The following FAM186B variants were observed in gnomAD, a reference collection of about 807,000 sequenced individuals.
FAM186B encodes family with sequence similarity 186 member B.
Under a neutral mutation model 83.4 loss-of-function variants are expected in FAM186B, and 68 were observed. The observed-to-expected ratio is 0.81, with a 90% CI of 0.67 to 1.00. The LOEUF (loss-of-function observed/expected upper bound fraction) is 1.00, where lower values mean the gene tolerates loss of function less well. FAM186B is among the 50% of genes least tolerant of loss of function. The probability of loss-of-function intolerance (pLI) is 0.00; values close to 1 mark genes in which losing one functional copy is unlikely to be tolerated. For synonymous variants in FAM186B, 389 were observed against 422.0 expected (o/e 0.92, Z 0.96); for missense variants, 983 against 1,099.2 (o/e 0.89, Z 1.49).
upstream of FAM186B, among the ~76,000 whole-genome samples, chr12:49,609,811 G>A (rs777933951): frequency 3.3e-4 from 51 of 152,332 alleles, no homozygotes; most frequent in Admixed American, 1.5e-3. Flanking sequence ...TGAGGGACCT[G>A]TAGACAGGCC....
rs769138157 is a variant in FAM186B, at chr12:49,598,992, C to G, written c.2172-45G>C. 11 of 1,580,430 alleles carry G rather than the reference C, an allele frequency of 7.0e-6. No individual in the cohort carries two copies. The South Asian group carries it at 1.0e-4, about 14-fold the overall frequency. ...AATTTAGGGGGTGGAGAGGCCTCCT[C>G]TATCCCCCAAGTCTGTTAACCAGAG... On this transcript the variant is annotated intron_variant, in intron 4 of 6. Coordinates refer to ENST00000257894, the MANE Select transcript of FAM186B (RefSeq NM_032130.3).
chr12:49,587,424 G>C (rs1432983450), downstream of FAM186B: 1 of 767,824 alleles, frequency 1.3e-6, no homozygotes, highest in Non-Finnish European at 2.1e-6. Context: ...TGTTGGCATG[G>C]GGACCCCGCT....
At chr12:49,587,068 C>T (rs890744261), downstream of FAM186B, among the ~76,000 whole-genome samples, 1 of 152,188 alleles carries the variant, frequency 6.6e-6, no homozygotes, top group East Asian at 1.9e-4. Flanking sequence ...GTGACATCTA[C>T]AAGCCCAGAG....
intron 2 of FAM186B, 88 bp downstream of exon 2, chr12:49,604,225 G>C: frequency 9.9e-7 from 1 of 1,010,566 alleles, no homozygotes; most frequent in Non-Finnish European, 1.5e-6. Flanking sequence ...TGCTTCACTG[G>C]AGAAGGGGAT....
At position 49,588,557 on chromosome 12, in the gene FAM186B, T is replaced by TG; in HGVS notation, c.2430dup (p.Lys811GlnfsTer24). The stretch of plus-strand genomic sequence containing the variant: ...TGCCGGGGTGAGGCTGCAGGCAACT[T>TG]GCATTTCTTTGGCTTTGGCGAGGTG... On this transcript the variant is annotated frameshift_variant, in exon 6 of 7. Coordinates refer to ENST00000257894, the MANE Select transcript of FAM186B (RefSeq NM_032130.3). LOFTEE classifies it high-confidence loss of function. 6.2e-7 allele frequency: 1 copy of TG among 1,612,316 alleles called. No individual in the cohort carries two copies. Among genetic ancestry groups the TG allele is most frequent in the African/African-American group, 1.3e-5 (1 of 75,002 alleles).
At position 49,599,700 on chromosome 12, in the gene FAM186B, C is replaced by T; in HGVS notation, c.1940G>A (p.Trp647Ter). Reference protein sequence around the residue: ...VTGTSIRRLTWPSLQISPANI... With the variant: ...VTGTSIRRLT ...TGCAGGGGATATCTGCAAAGAGGGC[C>T]AGGTCAGCCTTCGGATGGATGTCCC... Residue 647 changes from tryptophan to a stop codon, truncating the protein, a stop_gained, in exon 4 of 7, where the codon TGG (tryptophan) becomes TAG (stop). Coordinates refer to ENST00000257894, the MANE Select transcript of FAM186B (RefSeq NM_032130.3). LOFTEE classifies it high-confidence loss of function. 3 of 1,611,568 alleles carry T rather than the reference C, an allele frequency of 1.9e-6. No homozygotes were observed. The highest frequency in any genetic ancestry group is 1.1e-5 in the South Asian group (1 of 90,626).
chr12:49,600,368 C>T lies in FAM186B; in HGVS notation c.1272G>A (p.Arg424=). 1.2e-6 allele frequency: 2 copies of T among 1,614,194 alleles called. No individual in the cohort carries two copies. Among genetic ancestry groups the T allele is most frequent in the Non-Finnish European group, 1.7e-6 (2 of 1,180,042 alleles). ...CCGGTCTTTCCCATTTCTTAGGAAA[C>T]CTGCGATCTACTAAGGGTAAAAGCA... ...EPVLLPLVDR[R]FPKKWERPVA... Residue 424 remains arginine, a synonymous_variant, in exon 4 of 7, where the codon AGG becomes AGA. Transcript: ENST00000257894. This position sits in a 1 kb window ranked among gnomAD's most constrained non-coding sequence, Gnocchi z 4.3.
chr12:49,595,285 G>T (rs1939688248), intron 5 of FAM186B: 1 of 679,970 alleles, frequency 1.5e-6, no homozygotes, highest in South Asian at 1.4e-5. Flanking sequence ...TTGTCCTGAT[G>T]CCAGTCTTGA....
chr12:49,584,136 G>A (rs1939390955), downstream of FAM186B: 1 of 224,592 alleles, frequency 4.5e-6, no homozygotes, highest in Non-Finnish European at 9.0e-6. Flanking sequence ...TCCATATTTT[G>A]ATTAAATGAA....
chr12:49,599,485 G>A lies in FAM186B; in HGVS notation c.2155C>T (p.Arg719Cys), dbSNP rs201920092. ...YLCHKYIFYR[R>C]LQSLRQEAIN... ...AGGACCTACCGGAGGCTCTGGAGGC[G>A]TCTATAGAAGATGTACTTATGGCAC... Residue 719 changes from arginine (R) to cysteine (C), a missense_variant, in exon 4 of 7, where the codon CGC becomes TGC. Transcript: ENST00000257894. 53 of 1,542,780 alleles carry A rather than the reference G, an allele frequency of 3.4e-5. No homozygotes were observed. In the East Asian group the frequency reaches 3.8e-4, roughly 11 times the overall value.
chr12:49,618,206 G>A, the FAM186B span, among the ~76,000 whole-genome samples: 7 of 152,110 alleles, frequency 4.6e-5, no homozygotes, highest in Non-Finnish European at 5.9e-5. Flanking sequence ...TTAGCCGGGC[G>A]TGTTGGCACG....
chr12:49,608,670 G>C (rs12305457), upstream of FAM186B, among the ~76,000 whole-genome samples: 2,883 of 151,958 alleles, frequency 0.019, 34 homozygotes, highest in Middle Eastern at 0.041. Context: ...TAGGTCTCAG[G>C]GAGGAAAACA....
At chr12:49,594,412 C>T (rs1024288219) in intron 5 of FAM186B, among the ~76,000 whole-genome samples, 1 of 152,190 alleles carries the variant, frequency 6.6e-6, no homozygotes, top group African/African-American at 2.4e-5. Context: ...CCTGAAACCT[C>T]AGTACCAAAC....
intron 5 of FAM186B, chr12:49,593,056 C>G (rs1939619237): frequency 6.6e-6 from 1 of 152,062 alleles, no homozygotes; most frequent in Non-Finnish European, 1.5e-5. Flanking sequence ...AAAGCAAGAC[C>G]CAACTATAAG....
chr12:49,605,074 C>A, intron 1 of FAM186B: 1 of 820,760 alleles, frequency 1.2e-6, no homozygotes, highest in Non-Finnish European at 1.6e-6. Flanking sequence ...AGAACAGATT[C>A]TGGGTCCTTT....
At chr12:49,583,084 G>C (rs1939369856), downstream of FAM186B, 1 of 456,150 alleles carries the variant, frequency 2.2e-6, no homozygotes, top group African/African-American at 2.0e-5. Flanking sequence ...TCAGCCACCA[G>C]GCCCCTTAAG....
At chr12:49,596,838 C>G (rs923588658) in intron 5 of FAM186B, among the ~76,000 whole-genome samples, 3 of 152,152 alleles carry the variant, frequency 2.0e-5, no homozygotes, top group Admixed American at 1.3e-4. Context: ...ATGTCCATTG[C>G]AGTATTACTC....
In FAM186B at chr12:49,605,404, G is replaced by A; in HGVS notation, c.74C>T (p.Ala25Val). The A allele has an allele frequency of 6.2e-7, 1 of 1,613,564 alleles. No homozygotes were observed. Among genetic ancestry groups the A allele is most frequent in the Non-Finnish European group, 8.5e-7 (1 of 1,179,848 alleles). The change falls in exon 1 of 7, where the codon GCC becomes GTC. Residue 25 changes from alanine (A) to valine (V), a missense_variant. Ala to Val is a moderately conservative substitution (Grantham distance 64, BLOSUM62 0). Transcript: ENST00000257894. ...VKAIILRIEA[A>V]QLTRAQEDIS... is the part of the protein sequence containing the mutation. ...TACCTCTTGAGCCCGAGTTAGCTGG[G>A]CAGCCTCAATCCTCAGGATGATGGC...
chr12:49,607,527 T>A (rs1048725765), upstream of FAM186B, among the ~76,000 whole-genome samples: 1 of 152,070 alleles, frequency 6.6e-6, no homozygotes, highest in Non-Finnish European at 1.5e-5. Flanking sequence ...ATTGGATTCA[T>A]AATATAAAAA....
Sources: gnomAD v4.1 joint callset for allele counts (sites outside exome capture counted in the v4.1 genomes callset) on GRCh38, gnomAD v4.1.1 for gene constraint, Gnocchi (gnomAD v3.1) non-coding constraint, MANE v1.5 for transcripts, NCBI Gene and HGNC (gene_info 2026-07-23, HGNC 2026-07-21) for gene names.